DOCK1: variants seen among roughly 807,000 people sequenced by gnomAD.
DOCK1 encodes dedicator of cytokinesis 1, also known as dedicator of cytokinesis protein 1.
Under a neutral mutation model 262.7 loss-of-function variants are expected in DOCK1, and 138 were observed. That is an observed-to-expected ratio of 0.53 (90% CI 0.46 to 0.61). The LOEUF (loss-of-function observed/expected upper bound fraction) is 0.61, where lower values mean the gene tolerates loss of function less well. DOCK1 is among the 20% of genes least tolerant of loss of function. DOCK1 has a pLI of 0.00. For missense variants in DOCK1, 1,908 were observed against 2,370.7 expected, an observed-to-expected ratio of 0.80 and a Z score of 4.05; for synonymous variants, 866 against 867.4, an observed-to-expected ratio of 1.00 and a Z score of 0.03.
At chr10:127,384,177 C>T (rs1041188505) in intron 37 of DOCK1, among the ~76,000 whole-genome samples, 1 of 152,188 alleles carries the variant, frequency 6.6e-6, no homozygotes, top group Non-Finnish European at 1.5e-5. Context: ...GGAGCTGACA[C>T]GTTGTATCTG....
chr10:127,253,485 CT>C (rs1427966947), intron 28 of DOCK1, among the ~76,000 whole-genome samples: 2 of 152,176 alleles, frequency 1.3e-5, no homozygotes, highest in Non-Finnish European at 2.9e-5. Context: ...AGGAAAAGGG[CT>C]TATCTGACCT....
chr10:126,928,969 G>A (rs1310962446), intron 1 of DOCK1, among the ~76,000 whole-genome samples: 1 of 152,218 alleles, frequency 6.6e-6, no homozygotes. Context: ...CTTGGCGGGA[G>A]GCCTTTAATC....
At chr10:127,101,904 G>C (rs927134036) in intron 23 of DOCK1, among the ~76,000 whole-genome samples, 126 of 152,336 alleles carry the variant, frequency 8.3e-4, no homozygotes, top group African/African-American at 2.7e-3. Flanking sequence ...CTGTGTGAAC[G>C]CTGGCTATTA....
intron 27 of DOCK1, among the ~76,000 whole-genome samples, chr10:127,151,329 A>G (rs2052467260): frequency 6.6e-6 from 1 of 152,100 alleles, no homozygotes; most frequent in Non-Finnish European, 1.5e-5. Context: ...TGAAATAAAG[A>G]CTTTGGGAGG....
intron 29 of DOCK1, among the ~76,000 whole-genome samples, chr10:127,311,359 A>G (rs1312414310): frequency 6.6e-6 from 1 of 152,222 alleles, no homozygotes; most frequent in African/African-American, 2.4e-5. Context: ...ATCCTGCAGA[A>G]GGAACATCCT....
At chr10:127,208,582 AATC>A (rs1222320693) in intron 27 of DOCK1, among the ~76,000 whole-genome samples, 3 of 152,214 alleles carry the variant, frequency 2.0e-5, no homozygotes, top group African/African-American at 7.2e-5. Context: ...AAAAATCAAT[AATC>A]AGTTGGTTAT....
At chr10:127,104,845 A>C (rs1279509061) in intron 23 of DOCK1, among the ~76,000 whole-genome samples, 1 of 152,204 alleles carries the variant, frequency 6.6e-6, no homozygotes, top group Non-Finnish European at 1.5e-5. Context: ...AGCTTAGTTC[A>C]GTACTAGCTT....
At chr10:127,406,146 G>A (rs1377673170) in intron 40 of DOCK1, among the ~76,000 whole-genome samples, 3 of 152,186 alleles carry the variant, frequency 2.0e-5, no homozygotes, top group Admixed American at 2.0e-4. Context: ...GTTAGATGGT[G>A]CGTGTGGCCC....
intron 23 of DOCK1, among the ~76,000 whole-genome samples, chr10:127,081,587 C>T (rs899647494): frequency 6.6e-6 from 1 of 152,096 alleles, no homozygotes; most frequent in African/African-American, 2.4e-5. Flanking sequence ...TGAGTCTCTG[C>T]CCTGTCATAA....
intron 1 of DOCK1, among the ~76,000 whole-genome samples, chr10:126,913,835 T>C (rs781115828): frequency 6.6e-6 from 1 of 152,198 alleles, no homozygotes; most frequent in African/African-American, 2.4e-5. Context: ...TTAGGGGTCA[T>C]AGAGATCCGT....
intron 1 of DOCK1, among the ~76,000 whole-genome samples, chr10:126,917,190 T>C (rs1272721620): frequency 6.6e-6 from 1 of 152,238 alleles, no homozygotes; most frequent in East Asian, 1.9e-4. Context: ...CATGAGCGTG[T>C]GAACATTCAC....
chr10:126,988,898 C>T (rs978137393), intron 5 of DOCK1, among the ~76,000 whole-genome samples: 1 of 151,982 alleles, frequency 6.6e-6, no homozygotes, highest in South Asian at 2.1e-4. Flanking sequence ...CATGGTGAAA[C>T]CCCGTCCCTA....
chr10:127,013,338 C>T (rs2041617318), intron 12 of DOCK1: 1 of 152,188 alleles, frequency 6.6e-6, no homozygotes, highest in Non-Finnish European at 1.5e-5. Context: ...TAACAGCCCT[C>T]CCAATTTACA....
intron 23 of DOCK1, among the ~76,000 whole-genome samples, chr10:127,099,969 AG>A (rs1420415177): frequency 6.6e-6 from 1 of 152,132 alleles, no homozygotes; most frequent in Non-Finnish European, 1.5e-5. Flanking sequence ...CTGAGCTGGC[AG>A]AGGGGCCTGG....
At chr10:127,185,215 T>C (rs2056116242) in intron 27 of DOCK1, among the ~76,000 whole-genome samples, 2 of 152,122 alleles carry the variant, frequency 1.3e-5, no homozygotes, top group Admixed American at 6.5e-5. Context: ...CAGTCATCCT[T>C]CTTTACTTAC....
intron 12 of DOCK1, among the ~76,000 whole-genome samples, chr10:127,014,663 G>T (rs1342690022): frequency 1.3e-5 from 2 of 152,150 alleles, no homozygotes; most frequent in Non-Finnish European, 2.9e-5. Context: ...GAGGCTTTTG[G>T]ACTCAAACTC....
chr10:127,099,071 C>T (rs1255580816), intron 23 of DOCK1, among the ~76,000 whole-genome samples: 1 of 152,178 alleles, frequency 6.6e-6, no homozygotes, highest in Non-Finnish European at 1.5e-5. Context: ...AATCTGAGTT[C>T]CCTTTGCATC....
Position 126,995,125 on chromosome 10 carries a change from C to T in DOCK1, c.474-1623C>T, listed in dbSNP as rs573062951. Among the ~76,000 whole-genome samples the T allele has an allele frequency of 9.8e-4, 148 of 151,454 alleles. 1 individual carries two copies. The highest frequency in any genetic ancestry group is 3.5e-3 in the Middle Eastern group (1 of 288). ...CGCTCCCCAGATCCCAGACGATGGG[C>T]GGCCGGGCAGAGACGCTCCTCACTT... On this transcript the variant is annotated intron_variant, in intron 6 of 51. Transcript: ENST00000623213. This position sits in a 1 kb window ranked among gnomAD's most constrained non-coding sequence, Gnocchi z 5.8.
intron 29 of DOCK1, among the ~76,000 whole-genome samples, chr10:127,260,841 G>A (rs1474271195): frequency 7.0e-6 from 1 of 143,382 alleles, no homozygotes; most frequent in Admixed American, 7.0e-5. Context: ...GGGTGTGCGT[G>A]TGTGTACCCG....
Sources: gnomAD v4.1 joint callset for allele counts (sites outside exome capture counted in the v4.1 genomes callset) on GRCh38, gnomAD v4.1.1 for gene constraint, Gnocchi (gnomAD v3.1) non-coding constraint, MANE v1.5 for transcripts, NCBI Gene and HGNC (gene_info 2026-07-23, HGNC 2026-07-21) for gene names.